CC2D2B: variants seen among roughly 807,000 people sequenced by gnomAD.
CC2D2B encodes protein CC2D2B.
A neutral mutation model predicts 161.2 loss-of-function variants in CC2D2B; 128 were observed. That is an observed-to-expected ratio of 0.79 (90% confidence interval 0.69 to 0.92). The LOEUF is 0.92. Among genes scored for constraint, CC2D2B ranks in the 40% least tolerant of loss-of-function variants. The pLI, the probability that CC2D2B is intolerant of heterozygous loss-of-function variation, is 0.00. For synonymous variants in CC2D2B, 391 were observed against 449.8 expected (o/e 0.87, Z 1.65); for missense variants, 1,173 against 1,375.1 (o/e 0.85, Z 2.32).
rs76996378 is a variant in CC2D2B, at chr10:96,024,926, C to T, written c.3947+15C>T. 43,183 of 1,476,566 alleles carry T rather than the reference C, an allele frequency of 0.029. 888 individuals are homozygous for T. Among genetic ancestry groups the T allele is most frequent in the East Asian group, 0.11 (4,581 of 39,844 alleles). 91.5% of individuals were successfully genotyped at this position (1,476,566 alleles called of 1,614,324 possible). Reference sequence around the variant, plus strand: ...CTAAGGAATAGGTACTGTGTTTTCCCCTAATCTCTTGTTGGGTTACCTTTC... The same window carrying T: ...CTAAGGAATAGGTACTGTGTTTTCCTCTAATCTCTTGTTGGGTTACCTTTC... On this transcript the variant is annotated intron_variant, in intron 33 of 34. Coordinates refer to ENST00000646931, the MANE Select transcript of CC2D2B (RefSeq NM_001349008.3).
chr10:95,988,213 T>A (rs2077806700), intron 19 of CC2D2B, 37 bp from the exon 20 acceptor site: 1 of 861,530 alleles, frequency 1.2e-6, no homozygotes, highest in African/African-American at 1.7e-5. Context: ...AACTCTTTGT[T>A]ACATTCAAGA....
intron 25 of CC2D2B, among the ~76,000 whole-genome samples, chr10:96,005,883 T>A (rs74151234): frequency 0.019 from 2,939 of 152,198 alleles, 31 homozygotes; most frequent in African/African-American, 0.03. Context: ...ATACTTTTTT[T>A]AAAAAAATAG....
At chr10:96,017,647 A>G (rs10786260) in intron 30 of CC2D2B, among the ~76,000 whole-genome samples, 100,321 of 151,990 alleles carry the variant, frequency 0.66, 33,360 homozygotes, top group East Asian at 0.86. Flanking sequence ...AAATGCAGCA[A>G]TTGCTGAGCA....
At chr10:96,000,297 T>G in intron 24 of CC2D2B, 2 of 733,140 alleles carry the variant, frequency 2.7e-6, no homozygotes, top group Non-Finnish European at 3.4e-6. Flanking sequence ...TACTTTTCTC[T>G]ATTTTTCTAT....
intron 20 of CC2D2B, among the ~76,000 whole-genome samples, chr10:95,989,489 G>A (rs1295548669): frequency 6.6e-6 from 1 of 152,142 alleles, no homozygotes; most frequent in African/African-American, 2.4e-5. Flanking sequence ...CTAGCTTGCT[G>A]TATGTTTTAA....
At chr10:95,969,583 T>C (rs1211828831) in intron 15 of CC2D2B, among the ~76,000 whole-genome samples, 1 of 152,108 alleles carries the variant, frequency 6.6e-6, no homozygotes, top group Non-Finnish European at 1.5e-5. Context: ...AGGGAGAGAA[T>C]TGTAGTTACA....
chr10:95,977,236 A>C, intron 17 of CC2D2B, among the ~76,000 whole-genome samples: 1 of 152,108 alleles, frequency 6.6e-6, no homozygotes, highest in Non-Finnish European at 1.5e-5. Flanking sequence ...TTAGCTGGAC[A>C]TGGTGGCACA....
chr10:95,939,324 G>T (rs554386783), intron 9 of CC2D2B, among the ~76,000 whole-genome samples: 2 of 152,142 alleles, frequency 1.3e-5, no homozygotes, highest in South Asian at 2.1e-4. Flanking sequence ...GCAATAGCTT[G>T]TTCATTTCTG....
intron 2 of CC2D2B, among the ~76,000 whole-genome samples, 192 bp downstream of exon 2, chr10:95,911,551 T>C (rs1447466059): frequency 1.3e-5 from 2 of 152,170 alleles, no homozygotes; most frequent in Non-Finnish European, 2.9e-5. Context: ...TTTAATAAGA[T>C]GAATTATTTA....
At chr10:95,944,096 T>G (rs2076114906) in intron 9 of CC2D2B, among the ~76,000 whole-genome samples, 1 of 152,182 alleles carries the variant, frequency 6.6e-6, no homozygotes, top group Non-Finnish European at 1.5e-5. Flanking sequence ...ATGCCTAGCA[T>G]TGAACGAATG....
intron 34 of CC2D2B, among the ~76,000 whole-genome samples, chr10:96,027,724 C>T (rs2079843371): frequency 6.6e-6 from 1 of 152,190 alleles, no homozygotes. Flanking sequence ...GCATGAATCA[C>T]ATTACCTGAC....
chr10:96,029,241 C>CATATATATATATATATATATATATAT (rs56195141), intron 34 of CC2D2B, among the ~76,000 whole-genome samples: 2 of 67,156 alleles, frequency 3.0e-5, no homozygotes, highest in Admixed American at 2.0e-4. Flanking sequence ...TTTCATGTAC[C>CATATATATATATATATATATATATAT]ATATATATAT....
intron 24 of CC2D2B, among the ~76,000 whole-genome samples, chr10:96,003,929 A>G (rs554505063): frequency 1.3e-5 from 2 of 152,178 alleles, no homozygotes; most frequent in Non-Finnish European, 2.9e-5. Context: ...TCAACACTTA[A>G]ACATTTTTAT....
intron 25 of CC2D2B, among the ~76,000 whole-genome samples, chr10:96,005,150 G>A (rs1297819991): frequency 6.6e-6 from 1 of 152,150 alleles, no homozygotes; most frequent in Non-Finnish European, 1.5e-5. Flanking sequence ...TTTGATGATC[G>A]AAATTGGTAA....
intron 15 of CC2D2B, among the ~76,000 whole-genome samples, chr10:95,969,759 CA>C (rs903341732): frequency 2.7e-4 from 39 of 145,254 alleles, no homozygotes; most frequent in Middle Eastern, 3.5e-3. Flanking sequence ...ATTCCTAATA[CA>C]AAAAAAAAAG....
chr10:96,019,505 GC>G (rs887001026), intron 31 of CC2D2B, 168 bp downstream of exon 31: 1 of 817,210 alleles, frequency 1.2e-6, no homozygotes, highest in African/African-American at 1.7e-5. Flanking sequence ...ATTGTGTAGT[GC>G]CTTCAAGGAT....
intron 9 of CC2D2B, among the ~76,000 whole-genome samples, chr10:95,946,613 C>G (rs2076207277): frequency 6.6e-6 from 1 of 152,132 alleles, no homozygotes; most frequent in Non-Finnish European, 1.5e-5. Context: ...GCAGGTTTCC[C>G]CTTTTATGGG....
intron 17 of CC2D2B, among the ~76,000 whole-genome samples, chr10:95,979,425 T>A (rs2077433730): frequency 6.6e-6 from 1 of 152,198 alleles, no homozygotes; most frequent in Admixed American, 6.5e-5. Flanking sequence ...TCTAGACTCA[T>A]AGCTTTCTAA....
Position 96,028,391 on chromosome 10 carries a change from T to C in CC2D2B, c.4125+1002T>C, listed in dbSNP as rs139443956. On this transcript the variant is annotated intron_variant, in intron 34 of 34. Transcript: ENST00000646931. ...ATGAAAAGGTGCTCAACATCATTGATCATCAGAGAAATGCAAATCAAAACT... is the reference window on the plus strand; with the variant it reads ...ATGAAAAGGTGCTCAACATCATTGACCATCAGAGAAATGCAAATCAAAACT... 5.6e-3 allele frequency among the ~76,000 whole-genome samples: 859 copies of C among 152,270 alleles called. 4 individuals carry two copies. Among genetic ancestry groups the C allele is most frequent in the Non-Finnish European group, 8.8e-3 (596 of 68,016 alleles).
Sources: gnomAD v4.1 joint callset for allele counts (sites outside exome capture counted in the v4.1 genomes callset) on GRCh38, gnomAD v4.1.1 for gene constraint, MANE v1.5 for transcripts, NCBI Gene and HGNC (gene_info 2026-07-23, HGNC 2026-07-21) for gene names.